Variants in ADAM23 observed in about 807,000 individuals in gnomAD.
The protein encoded by ADAM23 is disintegrin and metalloproteinase domain-containing protein 23.
ADAM23 carries 33 observed loss-of-function variants against 120.1 expected under a neutral mutation model. The ratio of observed to expected loss-of-function variants is 0.27; its 90% CI spans 0.21 to 0.37. The LOEUF (loss-of-function observed/expected upper bound fraction) is 0.37, where lower values mean the gene tolerates loss of function less well. Ranked by LOEUF, ADAM23 falls within the 10% of genes least tolerant of loss-of-function variation. ADAM23 has a pLI of 1.00. For synonymous variants in ADAM23, 367 were observed against 375.2 expected (o/e 0.98, Z 0.25); for missense variants, 862 against 1,058.2 (o/e 0.81, Z 2.57).
chr2:206,445,311 G>C lies in ADAM23; in HGVS notation c.219G>C (p.Pro73=). The C allele has an allele frequency of 6.2e-7, 1 of 1,612,790 alleles. No homozygotes were observed. Among genetic ancestry groups the C allele is most frequent in the East Asian group, 2.2e-5 (1 of 44,818 alleles). Residue 73 remains proline (P), a synonymous_variant, in exon 2 of 26, where the codon CCG becomes CCC. Transcript: ENST00000264377. ...CCACCCCCCTACCTCCACCAGCTCC[G>C]CATTGGAATGAAACTGCAGAAAAAA... ...RAWGAAAPSA[P]HWNETAEKNL...
At chr2:206,452,423 A>G (rs1391416694) in intron 2 of ADAM23, among the ~76,000 whole-genome samples, 4 of 152,152 alleles carry the variant, frequency 2.6e-5, no homozygotes, top group Admixed American at 6.5e-5. Flanking sequence ...CCTGCTAACT[A>G]TGTAACTATT....
intron 23 of ADAM23, 126 bp from the exon 24 acceptor site, chr2:206,595,925 A>C: frequency 1.5e-6 from 1 of 679,256 alleles, no homozygotes. Flanking sequence ...GACCATGGGA[A>C]ACTTTAAAAA....
intron 3 of ADAM23, among the ~76,000 whole-genome samples, chr2:206,484,623 A>ACATC (rs956887831): frequency 2.0e-5 from 3 of 152,022 alleles, no homozygotes; most frequent in African/African-American, 4.8e-5. Context: ...GTTAGAAGGG[A>ACATC]GATGAGGTCA....
At chr2:206,472,360 A>G (rs1695677094) in intron 2 of ADAM23, among the ~76,000 whole-genome samples, 1 of 152,140 alleles carries the variant, frequency 6.6e-6, no homozygotes, top group Non-Finnish European at 1.5e-5. Flanking sequence ...CTGTAATCCC[A>G]GTACCTTGGG....
At chr2:206,547,376 A>C in intron 6 of ADAM23, 53 bp from the exon 7 acceptor site, 1 of 1,450,744 alleles carries the variant, frequency 6.9e-7, no homozygotes, top group Non-Finnish European at 9.5e-7. Context: ...ACTGTTTCAT[A>C]GAGGCTTGTT....
chr2:206,557,921 A>G (rs1697679040), intron 10 of ADAM23, among the ~76,000 whole-genome samples: 1 of 152,208 alleles, frequency 6.6e-6, no homozygotes, highest in South Asian at 2.1e-4. Context: ...GTAATACCAA[A>G]AAAAATTTTT....
chr2:206,602,736 A>G (rs1250378161), intron 24 of ADAM23, among the ~76,000 whole-genome samples: 3 of 152,212 alleles, frequency 2.0e-5, no homozygotes, highest in Non-Finnish European at 1.5e-5. Flanking sequence ...CTATAAAGGA[A>G]TTCTACATAT....
intron 1 of ADAM23, among the ~76,000 whole-genome samples, chr2:206,444,822 T>C (rs1695043857): frequency 6.6e-6 from 1 of 152,194 alleles, no homozygotes; most frequent in African/African-American, 2.4e-5. Context: ...TCGATTAATA[T>C]TCGGTATCCA....
In ADAM23 at chr2:206,594,826, G is replaced by A. The variant is rs372500763; in HGVS notation, c.2168G>A (p.Arg723Gln). The A allele has an allele frequency of 2.2e-5, 36 of 1,614,020 alleles. No homozygotes were observed. The highest frequency in any genetic ancestry group is 1.3e-4 in the East Asian group (6 of 44,886). ...GGCCCGTCTATGATGTGTTTAGATC[G>A]GAAGTGCCTACAAATTCAAGCCCTA... ...PCGPSMMCLD[R>Q]KCLQIQALNM... Residue 723 changes from arginine (R) to glutamine (Q), a missense_variant, in exon 23 of 26, where the codon CGG (arginine) becomes CAG (glutamine). Around this residue, in one of 4 missense-constraint regions of ADAM23, gnomAD observed 617 missense variants for 813.5 expected, o/e 0.76. Coordinates refer to ENST00000264377, the MANE Select transcript of ADAM23 (RefSeq NM_003812.4).
In ADAM23 at chr2:206,470,082, A is replaced by G. The variant is rs190338460; in HGVS notation, c.433-11150A>G. ...TTGTATTAGCCATCCCCCACAAAAC[A>G]CACACCCTAAAATGTAAACCCTGGA... On this transcript the variant is annotated intron_variant, in intron 2 of 25. Coordinates refer to ENST00000264377, the MANE Select transcript of ADAM23 (RefSeq NM_003812.4). Among the ~76,000 whole-genome samples the G allele has an allele frequency of 5.3e-5, 8 of 152,160 alleles. No individual in the cohort carries two copies. The East Asian group carries it at 1.5e-3, about 29-fold the overall frequency.
chr2:206,617,887 CTT>C lies in ADAM23; in HGVS notation c.*267_*268del. 1 of 525,714 alleles carries C rather than the reference CTT, an allele frequency of 1.9e-6. No individual in the cohort carries two copies. Among genetic ancestry groups the C allele is most frequent in the Non-Finnish European group, 2.9e-6 (1 of 346,430 alleles). The allele number at this position is 525,714 out of a possible 1,614,324, so 32.6% of individuals were successfully genotyped here. ...GCTATAAAAAGAACTGTTCCAGAAT[CTT>C]TTTTTTCCCTAATGGACGAAGGAAC... On this transcript the variant is annotated 3_prime_UTR_variant, in exon 26 of 26. Transcript: ENST00000264377.
chr2:206,509,971 T>G (rs1204818432), intron 3 of ADAM23, among the ~76,000 whole-genome samples: 2 of 152,260 alleles, frequency 1.3e-5, no homozygotes, highest in African/African-American at 4.8e-5. Context: ...GATCCCAGAC[T>G]TGAGCTCAGA....
At chr2:206,488,202 A>G (rs180846372) in intron 3 of ADAM23, among the ~76,000 whole-genome samples, 3 of 152,334 alleles carry the variant, frequency 2.0e-5, no homozygotes, top group Admixed American at 1.3e-4. Context: ...GTCAACAAAC[A>G]TTTATTGAGC....
chr2:206,480,096 G>A (rs1038523071), intron 2 of ADAM23, among the ~76,000 whole-genome samples: 4 of 152,168 alleles, frequency 2.6e-5, no homozygotes, highest in Non-Finnish European at 4.4e-5. Context: ...CCAGGGGAGG[G>A]ATGGGAAAGG....
chr2:206,472,702 A>G (rs1389752707), intron 2 of ADAM23, among the ~76,000 whole-genome samples: 1 of 152,144 alleles, frequency 6.6e-6, no homozygotes, highest in Non-Finnish European at 1.5e-5. Context: ...TGATTTATTT[A>G]GAAAAGAGCT....
intron 10 of ADAM23, 37 bp downstream of exon 10, chr2:206,557,535 A>G: frequency 2.0e-6 from 3 of 1,538,398 alleles, no homozygotes; most frequent in African/African-American, 1.4e-5. Flanking sequence ...GTGTGCCAAG[A>G]TGGAATGGTT....
chr2:206,468,720 C>G (rs1002253656), intron 2 of ADAM23, among the ~76,000 whole-genome samples: 13 of 152,172 alleles, frequency 8.5e-5, no homozygotes, highest in Non-Finnish European at 1.5e-5. Context: ...ATAGCAATAC[C>G]TCACTCTTGG....
chr2:206,446,445 C>G (rs1695083878), intron 2 of ADAM23, among the ~76,000 whole-genome samples: 1 of 152,194 alleles, frequency 6.6e-6, no homozygotes, highest in Non-Finnish European at 1.5e-5. Flanking sequence ...TAGCAATTAA[C>G]TGTCTAAACA....
At chr2:206,614,629 G>A (rs1318122129) in intron 25 of ADAM23, among the ~76,000 whole-genome samples, 3 of 151,728 alleles carry the variant, frequency 2.0e-5, no homozygotes, top group African/African-American at 7.3e-5. Context: ...TCCAGCCTGG[G>A]CAACAAGAAC....
Sources: allele counts gnomAD v4.1 joint callset (sites outside exome capture counted in the v4.1 genomes callset), GRCh38; gene constraint gnomAD v4.1.1; regional missense constraint gnomAD v4.1.1; transcripts MANE v1.5; gene names NCBI Gene and HGNC (gene_info 2026-07-23, HGNC 2026-07-21).